Variants in ANK2 observed in about 807,000 individuals in gnomAD.
ANK2 encodes the protein ankyrin-2.
Under a neutral mutation model 360.5 loss-of-function variants are expected in ANK2, and 83 were observed. The ratio of observed to expected loss-of-function variants is 0.23; its 90% CI spans 0.19 to 0.28. ANK2 has a LOEUF of 0.28. ANK2 is among the 10% of genes least tolerant of loss of function. ANK2 has a pLI of 1.00. For synonymous variants in ANK2, 1,740 were observed against 1,759.5 expected (o/e 0.99, Z 0.28); for missense variants, 4,201 against 4,795.7 (o/e 0.88, Z 3.66).
At chr4:112,849,909 C>G (rs2064246889) in intron 1 of ANK2, among the ~76,000 whole-genome samples, 2 of 152,176 alleles carry the variant, frequency 1.3e-5, no homozygotes, top group Non-Finnish European at 2.9e-5. Context: ...TCTGCCCTCA[C>G]CAATATCGGC....
At chr4:113,229,585 A>G (rs890114287) in intron 4 of ANK2, among the ~76,000 whole-genome samples, 8 of 152,160 alleles carry the variant, frequency 5.3e-5, no homozygotes, top group African/African-American at 1.9e-4. Context: ...GTGCCTACCA[A>G]TGGACACTTG....
At chr4:112,757,163 A>G in the ANK2 span, among the ~76,000 whole-genome samples, 2 of 134,774 alleles carry the variant, frequency 1.5e-5, no homozygotes, top group African/African-American at 5.6e-5. Flanking sequence ...CCCAGGCTGG[A>G]GTGCAATGGC....
At chr4:112,723,659 C>T in the ANK2 span, among the ~76,000 whole-genome samples, 217 of 152,256 alleles carry the variant, frequency 1.4e-3, 2 homozygotes, top group African/African-American at 4.7e-3. Context: ...CCACCGCCCC[C>T]GGCAAGATCT....
the ANK2 span, among the ~76,000 whole-genome samples, chr4:112,800,154 G>A: frequency 1.3e-5 from 2 of 152,244 alleles, no homozygotes; most frequent in Non-Finnish European, 2.9e-5. Context: ...GACAAATGTC[G>A]TTCCTTCTCT....
chr4:113,264,169 G>A (rs951578515), intron 13 of ANK2, among the ~76,000 whole-genome samples: 1 of 152,014 alleles, frequency 6.6e-6, no homozygotes, highest in Non-Finnish European at 1.5e-5. Flanking sequence ...CAAATTTCTT[G>A]TCTGATCCAT....
rs770671784 is a variant in ANK2, at chr4:113,354,429, G to C, written c.5811G>C (p.Leu1937Phe). The C allele has an allele frequency of 6.2e-7, 1 of 1,613,976 alleles. No homozygotes were observed. Among genetic ancestry groups the C allele is most frequent in the Non-Finnish European group, 8.5e-7 (1 of 1,179,942 alleles). Reference protein sequence around the residue: ...PVSPGRTEKRLPVSPSGRTDK... With the variant: ...PVSPGRTEKRFPVSPSGRTDK... ...CGCCTGGGAGAACAGAAAAACGCTTGCCTGTTTCACCCTCCGGAAGAACGG... is the reference window on the plus strand; with the variant it reads ...CGCCTGGGAGAACAGAAAAACGCTTCCCTGTTTCACCCTCCGGAAGAACGG... Residue 1937 changes from leucine to phenylalanine, a missense_variant, in exon 38 of 46, where the codon TTG becomes TTC. Leu to Phe is a conservative substitution (Grantham distance 22, BLOSUM62 0). This residue lies in a region of ANK2 where 2,642 missense variants were observed against 2,714.5 expected (regional missense o/e 0.97). Transcript: ENST00000357077.
upstream of ANK2, among the ~76,000 whole-genome samples, chr4:113,047,042 C>A (rs78095449): frequency 0.012 from 1,895 of 152,328 alleles, 19 homozygotes; most frequent in Non-Finnish European, 0.019. Flanking sequence ...TTAACAGCAT[C>A]TCTCTCCTAT....
At chr4:113,139,617 G>A (rs1471635283) in intron 1 of ANK2, among the ~76,000 whole-genome samples, 1 of 152,134 alleles carries the variant, frequency 6.6e-6, no homozygotes, top group African/African-American at 2.4e-5. Context: ...CGATGTGATA[G>A]AACATAGAAT....
chr4:112,912,287 G>A (rs186312344), intron 2 of ANK2, among the ~76,000 whole-genome samples: 152 of 152,154 alleles, frequency 1.0e-3, no homozygotes, highest in African/African-American at 3.5e-3. Flanking sequence ...ATTGGAAAAA[G>A]AGAAGGAACC....
the ANK2 span, among the ~76,000 whole-genome samples, chr4:112,810,601 G>C: frequency 6.6e-6 from 1 of 151,990 alleles, no homozygotes; most frequent in East Asian, 1.9e-4. Context: ...ACCCAGGCTG[G>C]AGTGCAATGG....
chr4:113,314,136 A>G (rs2081546619), intron 24 of ANK2, among the ~76,000 whole-genome samples: 1 of 152,234 alleles, frequency 6.6e-6, no homozygotes, highest in Non-Finnish European at 1.5e-5. Flanking sequence ...AAATACAAAT[A>G]CAACCAAGTT....
intron 29 of ANK2, among the ~76,000 whole-genome samples, chr4:113,333,463 C>T (rs1005263661): frequency 6.6e-6 from 1 of 152,084 alleles, no homozygotes; most frequent in African/African-American, 2.4e-5. Flanking sequence ...TATCAAACAT[C>T]TCATTAAAGA....
At chr4:113,345,016 T>G (rs1384916569) in intron 34 of ANK2, among the ~76,000 whole-genome samples, 1 of 152,186 alleles carries the variant, frequency 6.6e-6, no homozygotes, top group Non-Finnish European at 1.5e-5. Context: ...ACAATGTGAA[T>G]GTACTTAATG....
At chr4:112,914,727 G>A (rs2089109067) in intron 2 of ANK2, among the ~76,000 whole-genome samples, 1 of 152,158 alleles carries the variant, frequency 6.6e-6, no homozygotes, top group Admixed American at 6.5e-5. Context: ...CTTCATATTG[G>A]GAAGAAGAGG....
intron 2 of ANK2, among the ~76,000 whole-genome samples, chr4:112,921,248 T>A (rs2091417737): frequency 6.6e-6 from 1 of 151,860 alleles, no homozygotes. Flanking sequence ...TGGTCTTGAA[T>A]TCCTGAGCTC....
chr4:113,043,055 ATAG>A, intron 2 of ANK2, among the ~76,000 whole-genome samples: 1 of 152,274 alleles, frequency 6.6e-6, no homozygotes, highest in East Asian at 1.9e-4. Flanking sequence ...GGTCCAGCAT[ATAG>A]TAGTCAGTGA....
chr4:112,794,479 A>G, the ANK2 span, among the ~76,000 whole-genome samples: 1 of 152,206 alleles, frequency 6.6e-6, no homozygotes, highest in East Asian at 1.9e-4. Context: ...CCCATGACCA[A>G]TACTCCTGGA....
chr4:112,756,161 C>A, the ANK2 span, among the ~76,000 whole-genome samples: 1 of 151,538 alleles, frequency 6.6e-6, no homozygotes, highest in African/African-American at 2.4e-5. Context: ...TGGTGTGAAC[C>A]CGGGAGGCGG....
intron 1 of ANK2, among the ~76,000 whole-genome samples, chr4:112,846,714 A>T (rs907742769): frequency 4.6e-5 from 7 of 151,954 alleles, no homozygotes; most frequent in Non-Finnish European, 7.4e-5. Flanking sequence ...GGGTAATCTC[A>T]TTCATCCTCA....
Sources: gnomAD v4.1 joint callset for allele counts (sites outside exome capture counted in the v4.1 genomes callset) on GRCh38, gnomAD v4.1.1 for gene constraint, gnomAD v4.1.1 regional missense constraint, MANE v1.5 for transcripts, NCBI Gene and HGNC (gene_info 2026-07-23, HGNC 2026-07-21) for gene names.